The following CSMD1 variants were observed in gnomAD, a reference collection of about 807,000 sequenced individuals.
CSMD1 encodes CUB and sushi domain-containing protein 1.
In CSMD1, 213 loss-of-function variants were observed where a neutral mutation model predicts 417.5. That is an observed-to-expected ratio of 0.51 (90% CI 0.46 to 0.57). The LOEUF is 0.57. Ranked by LOEUF, CSMD1 falls within the 20% of genes least tolerant of loss-of-function variation. The pLI is 0.00. For synonymous variants in CSMD1, 2,862 were observed against 1,736.8 expected, an observed-to-expected ratio of 1.65 and a Z score of -16.11; for missense variants, 6,923 against 4,529.7, an observed-to-expected ratio of 1.53 and a Z score of -15.17.
chr8:4,379,770 C>A (rs1390775481), intron 3 of CSMD1, among the ~76,000 whole-genome samples: 1 of 152,146 alleles, frequency 6.6e-6, no homozygotes, highest in Non-Finnish European at 1.5e-5. Context: ...ATGGCCCACA[C>A]TTTAGGTCCA....
chr8:3,039,666 AT>A (rs1810957816), intron 50 of CSMD1, among the ~76,000 whole-genome samples: 1 of 152,050 alleles, frequency 6.6e-6, no homozygotes, highest in African/African-American at 2.4e-5. Context: ...CCTCGTCTGC[AT>A]TTTACAACCT....
intron 3 of CSMD1, among the ~76,000 whole-genome samples, chr8:4,143,958 C>A (rs35354756): frequency 0.3 from 45,138 of 151,028 alleles, 8,406 homozygotes; most frequent in Non-Finnish European, 0.39. Flanking sequence ...CAGTGCTTGG[C>A]CCATAGCCAA....
chr8:4,319,976 G>T (rs1480845727), intron 3 of CSMD1, among the ~76,000 whole-genome samples: 1 of 152,022 alleles, frequency 6.6e-6, no homozygotes, highest in Admixed American at 6.6e-5. Context: ...AGGCAGAGTG[G>T]AAAAATATCA....
At chr8:4,108,185 ACT>A (rs951879617) in intron 3 of CSMD1, among the ~76,000 whole-genome samples, 2 of 152,090 alleles carry the variant, frequency 1.3e-5, no homozygotes, top group Admixed American at 1.3e-4. Context: ...GTTGTATCAG[ACT>A]CTATGGGAAA....
At chr8:3,556,111 A>C (rs1799129512) in intron 10 of CSMD1, among the ~76,000 whole-genome samples, 1 of 152,096 alleles carries the variant, frequency 6.6e-6, no homozygotes, top group Non-Finnish European at 1.5e-5. Context: ...AAGACTCCTC[A>C]CAAAACCCAG....
chr8:3,735,191 A>C (rs951273264), intron 6 of CSMD1, among the ~76,000 whole-genome samples: 2 of 152,228 alleles, frequency 1.3e-5, no homozygotes, highest in Non-Finnish European at 2.9e-5. Flanking sequence ...GGCACACGGT[A>C]ACGGGCAAGT....
chr8:3,260,718 A>G (rs577221837), intron 26 of CSMD1, among the ~76,000 whole-genome samples: 1 of 152,296 alleles, frequency 6.6e-6, no homozygotes, highest in Admixed American at 6.5e-5. Flanking sequence ...GAGAACCTCG[A>G]CCTACCTCAA....
At chr8:4,085,692 T>C (rs1241649266) in intron 3 of CSMD1, among the ~76,000 whole-genome samples, 1 of 152,160 alleles carries the variant, frequency 6.6e-6, no homozygotes, top group African/African-American at 2.4e-5. Context: ...TGCTCTAATA[T>C]GATCCCAAAT....
chr8:2,988,963 G>A (rs1806155710), intron 54 of CSMD1, among the ~76,000 whole-genome samples: 1 of 152,196 alleles, frequency 6.6e-6, no homozygotes, highest in Admixed American at 6.5e-5. Flanking sequence ...TGGGGTCTCT[G>A]TTTTGTGCCA....
chr8:4,415,073 T>C (rs1240310810), intron 3 of CSMD1, among the ~76,000 whole-genome samples: 5 of 152,172 alleles, frequency 3.3e-5, no homozygotes, highest in Non-Finnish European at 7.3e-5. Flanking sequence ...TCAGCTTTTT[T>C]TGCAAAGGAT....
At chr8:3,876,877 C>G (rs980162468) in intron 5 of CSMD1, among the ~76,000 whole-genome samples, 2 of 152,232 alleles carry the variant, frequency 1.3e-5, no homozygotes, top group African/African-American at 4.8e-5. Flanking sequence ...CTCCCAAAAT[C>G]ATGCGTGGGA....
chr8:3,816,534 T>C (rs1709564264), intron 5 of CSMD1, among the ~76,000 whole-genome samples: 1 of 152,178 alleles, frequency 6.6e-6, no homozygotes, highest in African/African-American at 2.4e-5. Flanking sequence ...AGTTAATAAG[T>C]ACAAATATAC....
chr8:4,936,288 T>C lies in CSMD1; in HGVS notation c.85+58044A>G, dbSNP rs534588855. On this transcript the variant is annotated intron_variant, in intron 1 of 69. Coordinates refer to ENST00000635120, the MANE Select transcript of CSMD1 (RefSeq NM_033225.6). ...TGTTTTATCTTTGAAATTTCAATTT[T>C]AAAATGTGTGCATGGGATTGTGAAT... 2.0e-5 allele frequency among the ~76,000 whole-genome samples: 3 copies of C among 152,326 alleles called. No individual in the cohort carries two copies. In the East Asian group the frequency reaches 5.8e-4, roughly 29 times the overall value.
At chr8:3,703,205 C>T (rs1414538613) in intron 7 of CSMD1, among the ~76,000 whole-genome samples, 1 of 152,158 alleles carries the variant, frequency 6.6e-6, no homozygotes, top group Non-Finnish European at 1.5e-5. Context: ...CCTCACCGCA[C>T]AGAAGAGTTG....
intron 1 of CSMD1, among the ~76,000 whole-genome samples, chr8:4,891,749 C>T (rs183778908): frequency 1.3e-5 from 2 of 152,138 alleles, no homozygotes; most frequent in East Asian, 1.9e-4. Context: ...TAATTATTTC[C>T]CAAAACTCCC....
intron 4 of CSMD1, among the ~76,000 whole-genome samples, chr8:4,009,509 T>C (rs1443847173): frequency 6.6e-6 from 1 of 152,254 alleles, no homozygotes; most frequent in Non-Finnish European, 1.5e-5. Flanking sequence ...CAAGCATTTA[T>C]AATATTCCTT....
At chr8:4,483,879 A>G (rs1227567177) in intron 2 of CSMD1, among the ~76,000 whole-genome samples, 2 of 152,242 alleles carry the variant, frequency 1.3e-5, no homozygotes, top group Admixed American at 6.5e-5. Context: ...GAGTAAGTCA[A>G]AAATGAACCG....
intron 7 of CSMD1, among the ~76,000 whole-genome samples, chr8:3,703,322 C>T (rs1481706): frequency 6.6e-6 from 1 of 152,124 alleles, no homozygotes; most frequent in Non-Finnish European, 1.5e-5. Context: ...TGTAAAGAAG[C>T]TGATGAACGT....
At chr8:3,712,056 C>T (rs1174515287) in intron 6 of CSMD1, among the ~76,000 whole-genome samples, 4 of 152,180 alleles carry the variant, frequency 2.6e-5, no homozygotes, top group Admixed American at 6.5e-5. Flanking sequence ...TGTAAAGCTA[C>T]GTCTCCACTA....
Sources: allele counts gnomAD v4.1 joint callset (sites outside exome capture counted in the v4.1 genomes callset), GRCh38; gene constraint gnomAD v4.1.1; transcripts MANE v1.5; gene names NCBI Gene and HGNC (gene_info 2026-07-23, HGNC 2026-07-21).